ATRNL1: variants seen among roughly 807,000 people sequenced by gnomAD.
ATRNL1 encodes attractin like 1.
In ATRNL1, 95 loss-of-function variants were observed where a neutral mutation model predicts 182.7. The ratio of observed to expected loss-of-function variants is 0.52; its 90% CI spans 0.44 to 0.62. The LOEUF is 0.62. Ranked by LOEUF, ATRNL1 falls within the 20% of genes least tolerant of loss-of-function variation. ATRNL1 has a pLI of 0.00. For missense variants in ATRNL1, 1,471 were observed against 1,679.5 expected (o/e 0.88, Z 2.17); for synonymous variants, 576 against 568.3 (o/e 1.01, Z -0.19).
chr10:115,208,223 G>A (rs1338992259), intron 8 of ATRNL1, among the ~76,000 whole-genome samples: 4 of 151,750 alleles, frequency 2.6e-5, no homozygotes, highest in Non-Finnish European at 4.4e-5. Flanking sequence ...CATGTTTTCT[G>A]CAACATTATT....
chr10:115,378,438 G>A (rs1282839265), intron 19 of ATRNL1, among the ~76,000 whole-genome samples: 2 of 152,204 alleles, frequency 1.3e-5, no homozygotes, highest in African/African-American at 4.8e-5. Flanking sequence ...AGATGGGCTT[G>A]TTTCCCAGTG....
chr10:115,703,383 T>C (rs1161843127), intron 26 of ATRNL1, among the ~76,000 whole-genome samples: 2 of 152,002 alleles, frequency 1.3e-5, no homozygotes, highest in Non-Finnish European at 2.9e-5. Flanking sequence ...TCAAAAGCGA[T>C]TGCAACAAAA....
chr10:115,782,626 A>T (rs1379047613), intron 27 of ATRNL1, among the ~76,000 whole-genome samples: 6 of 152,194 alleles, frequency 3.9e-5, no homozygotes, highest in African/African-American at 1.4e-4. Flanking sequence ...AGGGCTGAGA[A>T]GTTGAAACTG....
At chr10:115,415,233 C>A (rs1373248034) in intron 20 of ATRNL1, among the ~76,000 whole-genome samples, 2 of 151,926 alleles carry the variant, frequency 1.3e-5, no homozygotes, top group Admixed American at 6.6e-5. Flanking sequence ...TTTTGCCAGT[C>A]TTGTGGAGAA....
At chr10:115,108,789 G>T (rs1844133688) in intron 1 of ATRNL1, among the ~76,000 whole-genome samples, 2 of 152,132 alleles carry the variant, frequency 1.3e-5, no homozygotes, top group Non-Finnish European at 2.9e-5. Flanking sequence ...CATTGAAAAG[G>T]AAAGCCTTAC....
At chr10:115,518,263 C>G (rs1046558243) in intron 24 of ATRNL1, among the ~76,000 whole-genome samples, 4 of 151,842 alleles carry the variant, frequency 2.6e-5, no homozygotes, top group Non-Finnish European at 5.9e-5. Flanking sequence ...GATACTTCAC[C>G]TAGTTTTCCA....
intron 26 of ATRNL1, among the ~76,000 whole-genome samples, chr10:115,708,784 C>G (rs1946975596): frequency 6.6e-6 from 1 of 151,738 alleles, no homozygotes; most frequent in Non-Finnish European, 1.5e-5. Context: ...CTTACTGGTT[C>G]TGTGTATTTG....
At chr10:115,378,235 C>G (rs1482550479) in intron 19 of ATRNL1, among the ~76,000 whole-genome samples, 2 of 152,190 alleles carry the variant, frequency 1.3e-5, no homozygotes, top group Non-Finnish European at 2.9e-5. Flanking sequence ...ATTTATAGGG[C>G]TGTTTCAAGA....
chr10:115,257,059 T>C (rs1851175019), intron 10 of ATRNL1, among the ~76,000 whole-genome samples: 1 of 152,168 alleles, frequency 6.6e-6, no homozygotes, highest in Admixed American at 6.5e-5. Context: ...AATTATGTGG[T>C]CAACTTTAGA....
intron 24 of ATRNL1, among the ~76,000 whole-genome samples, chr10:115,514,674 C>T (rs1210167699): frequency 4.6e-5 from 7 of 151,838 alleles, no homozygotes; most frequent in African/African-American, 1.2e-4. Flanking sequence ...ACTCCCACTA[C>T]TTATACACCA....
In ATRNL1 at chr10:115,286,138, A is replaced by G. The variant is rs41307062; in HGVS notation, c.2234-78A>G. 8.2e-3 allele frequency: 5,579 copies of G among 676,388 alleles called. 33 individuals carry two copies. Among genetic ancestry groups the G allele is most frequent in the Non-Finnish European group, 0.012 (4,588 of 387,644 alleles). The allele number at this position is 676,388 out of a possible 1,614,324, so 41.9% of individuals were successfully genotyped here. A position where few individuals can be genotyped will look rare whatever the true frequency, so the allele number is the denominator to read the frequency against. ...TTTCAAAAATAATTTAAACAAATACAGAAGTACTTTGAAATAATTGAAAAA... is the reference window on the plus strand; with the variant it reads ...TTTCAAAAATAATTTAAACAAATACGGAAGTACTTTGAAATAATTGAAAAA... On this transcript the variant is annotated intron_variant, in intron 14 of 28. Transcript: ENST00000355044.
At chr10:115,185,508 T>G (rs1847905646) in intron 8 of ATRNL1, among the ~76,000 whole-genome samples, 1 of 151,844 alleles carries the variant, frequency 6.6e-6, no homozygotes, top group Admixed American at 6.6e-5. Context: ...TAAAAACTAT[T>G]GAAAAAATAG....
At chr10:115,589,369 A>G (rs1264232329) in intron 26 of ATRNL1, among the ~76,000 whole-genome samples, 1 of 152,172 alleles carries the variant, frequency 6.6e-6, no homozygotes, top group Non-Finnish European at 1.5e-5. Context: ...ATCAGTATGG[A>G]AAATATTATA....
intron 26 of ATRNL1, among the ~76,000 whole-genome samples, chr10:115,628,464 A>T (rs1292418790): frequency 6.6e-6 from 1 of 151,936 alleles, no homozygotes; most frequent in African/African-American, 2.4e-5. Flanking sequence ...TTTTTATATA[A>T]CCTAGATGCT....
chr10:115,196,817 T>C (rs548548773), intron 8 of ATRNL1, among the ~76,000 whole-genome samples: 1 of 152,144 alleles, frequency 6.6e-6, no homozygotes, highest in Non-Finnish European at 1.5e-5. Flanking sequence ...AACAACTTAT[T>C]TTCTATATAG....
intron 8 of ATRNL1, among the ~76,000 whole-genome samples, chr10:115,172,413 C>T (rs1847328650): frequency 6.6e-6 from 1 of 151,986 alleles, no homozygotes. Context: ...GGCTTACTGT[C>T]ACTGTGTCCA....
chr10:115,752,090 A>G (rs1948464633), intron 27 of ATRNL1, among the ~76,000 whole-genome samples: 1 of 152,046 alleles, frequency 6.6e-6, no homozygotes, highest in South Asian at 2.1e-4. Flanking sequence ...TATGTGAATG[A>G]ATATAAATAT....
At chr10:115,665,144 G>C (rs1368945495) in intron 26 of ATRNL1, among the ~76,000 whole-genome samples, 2 of 152,082 alleles carry the variant, frequency 1.3e-5, no homozygotes, top group African/African-American at 4.8e-5. Flanking sequence ...GTTGTGGCCA[G>C]CATTAAAATA....
chr10:115,385,209 T>C (rs1458658304), intron 19 of ATRNL1, among the ~76,000 whole-genome samples: 1 of 152,120 alleles, frequency 6.6e-6, no homozygotes, highest in Non-Finnish European at 1.5e-5. Flanking sequence ...ATTGTCAACA[T>C]TTAGTGTCGT....
Sources: allele counts gnomAD v4.1 joint callset (sites outside exome capture counted in the v4.1 genomes callset), GRCh38; gene constraint gnomAD v4.1.1; transcripts MANE v1.5; gene names NCBI Gene and HGNC (gene_info 2026-07-23, HGNC 2026-07-21).